Variants in DSCAML1 observed in about 807,000 individuals in gnomAD.
The protein encoded by DSCAML1 is cell adhesion molecule DSCAML1.
A neutral mutation model predicts 200.5 loss-of-function variants in DSCAML1; 38 were observed. That is an observed-to-expected ratio of 0.19 (90% CI 0.15 to 0.25). The LOEUF (loss-of-function observed/expected upper bound fraction) is 0.25. Ranked by LOEUF, DSCAML1 falls within the 10% of genes least tolerant of loss-of-function variation. The pLI, the probability that DSCAML1 is intolerant of heterozygous loss-of-function variation, is 1.00. For synonymous variants in DSCAML1, 1,215 were observed against 1,165.0 expected, an observed-to-expected ratio of 1.04 and a Z score of -0.87; for missense variants, 2,223 against 2,858.8, an observed-to-expected ratio of 0.78 and a Z score of 5.07.
rs1489594628 is a variant in DSCAML1 at position 117,518,438 on chromosome 11, A to G, written c.1510+28T>C. 1 of 1,613,598 alleles carries G rather than the reference A, an allele frequency of 6.2e-7. No individual in the cohort carries two copies. The highest frequency in any genetic ancestry group is 1.3e-5 in the African/African-American group (1 of 74,942). On this transcript the variant is annotated intron_variant, in intron 7 of 32. Transcript: ENST00000651296. The surrounding 1 kb of genome is among the most constrained non-coding windows in gnomAD (Gnocchi z 6.3). ...AGATGGCAAAGGAACTCAAAAACCTATTCTGATATTTAAATGTAGACAGGC... is the reference window on the plus strand; with the variant it reads ...AGATGGCAAAGGAACTCAAAAACCTGTTCTGATATTTAAATGTAGACAGGC...
chr11:117,649,766 C>A (rs1273531873), intron 3 of DSCAML1, among the ~76,000 whole-genome samples: 1 of 152,246 alleles, frequency 6.6e-6, no homozygotes. Flanking sequence ...CTGTTCTCAA[C>A]CTACCTTTCT....
intron 3 of DSCAML1, among the ~76,000 whole-genome samples, chr11:117,563,327 C>T (rs757822170): frequency 5.3e-5 from 8 of 152,168 alleles, no homozygotes; most frequent in South Asian, 2.1e-4. Context: ...CACGGCAGCA[C>T]GCATGGTGCT....
chr11:117,606,178 C>T (rs2051562782), intron 3 of DSCAML1, among the ~76,000 whole-genome samples: 1 of 152,076 alleles, frequency 6.6e-6, no homozygotes, highest in Non-Finnish European at 1.5e-5. Context: ...TTGAGGGCTC[C>T]CACTCTTACA....
chr11:117,487,727 C>T (rs1029120483), intron 11 of DSCAML1, among the ~76,000 whole-genome samples: 5 of 152,054 alleles, frequency 3.3e-5, no homozygotes, highest in Admixed American at 1.3e-4. Flanking sequence ...TAAGATGGGC[C>T]GATTTCAAAG....
At chr11:117,639,899 C>G (rs2052370394) in intron 3 of DSCAML1, among the ~76,000 whole-genome samples, 1 of 151,988 alleles carries the variant, frequency 6.6e-6, no homozygotes, top group African/African-American at 2.4e-5. Flanking sequence ...CAATGCCTGG[C>G]CTTTATGTTT....
At chr11:117,596,867 C>T (rs4938416) in intron 3 of DSCAML1, among the ~76,000 whole-genome samples, 6,104 of 152,178 alleles carry the variant, frequency 0.04, 219 homozygotes, top group African/African-American at 0.094. Context: ...ATATAAAGGT[C>T]TCATAGGAAA....
chr11:117,782,223 T>C (rs1205566672), intron 1 of DSCAML1, among the ~76,000 whole-genome samples: 1 of 152,214 alleles, frequency 6.6e-6, no homozygotes, highest in Non-Finnish European at 1.5e-5. Context: ...ACCGAGCCTC[T>C]GGGGAGAATA....
At chr11:117,815,380 A>G (rs2055796099) in intron 1 of DSCAML1, among the ~76,000 whole-genome samples, 1 of 152,176 alleles carries the variant, frequency 6.6e-6, no homozygotes, top group Non-Finnish European at 1.5e-5. Context: ...CCAAGGGCAG[A>G]GCTGGCAGTG....
intron 1 of DSCAML1, among the ~76,000 whole-genome samples, chr11:117,794,036 C>A (rs920246100): frequency 2.0e-5 from 3 of 151,274 alleles, no homozygotes; most frequent in African/African-American, 2.4e-5. Context: ...CCCATTGCCC[C>A]CCCCCCCTTT....
At chr11:117,455,514 A>T (rs1444069566) in intron 19 of DSCAML1, among the ~76,000 whole-genome samples, 8 of 152,238 alleles carry the variant, frequency 5.3e-5, no homozygotes, top group Non-Finnish European at 1.2e-4. Context: ...TTGAGGAGTT[A>T]GCACTGGAAC....
Position 117,504,014 on chromosome 11 carries a change from C to T in DSCAML1, c.2190G>A (p.Gly730=), listed in dbSNP as rs756761175. The T allele has an allele frequency of 3.1e-6, 5 of 1,613,672 alleles. No homozygotes were observed. The African/African-American group carries it at 4.0e-5, about 13-fold the overall frequency. ...KVMWKHAKGS[G]NPQQYHPVPL... The stretch of plus-strand genomic sequence containing the variant: ...GCACAGGGTGGTACTGCTGGGGGTT[C>T]CCGCTCCCTGGAAGGAGGCAGCTGT... The change falls in exon 11 of 33, where the codon GGG becomes GGA. Residue 730 remains glycine (G), a synonymous_variant. Transcript: ENST00000651296. This position sits in a 1 kb window ranked among gnomAD's most constrained non-coding sequence, Gnocchi z 5.0.
chr11:117,542,268 C>T (rs919809989), intron 3 of DSCAML1, among the ~76,000 whole-genome samples: 2 of 152,000 alleles, frequency 1.3e-5, no homozygotes, highest in African/African-American at 4.8e-5. Flanking sequence ...TGCATTTCAG[C>T]TGGGAGACAG....
chr11:117,743,003 T>TCATCCATCCACC (rs2054449479), intron 3 of DSCAML1, among the ~76,000 whole-genome samples: 1 of 150,892 alleles, frequency 6.6e-6, no homozygotes, highest in South Asian at 2.1e-4. Context: ...CACTCCACTT[T>TCATCCATCCACC]CATCCATCCA....
intron 12 of DSCAML1, among the ~76,000 whole-genome samples, chr11:117,481,669 G>T (rs2048924451): frequency 1.3e-5 from 2 of 151,570 alleles, no homozygotes; most frequent in African/African-American, 4.9e-5. Flanking sequence ...GAGAGGGAGG[G>T]GCTGAGGGGT....
intron 3 of DSCAML1, among the ~76,000 whole-genome samples, chr11:117,707,886 A>G (rs2053782673): frequency 6.6e-6 from 1 of 152,190 alleles, no homozygotes; most frequent in Admixed American, 6.5e-5. Context: ...AAGCCTTCTG[A>G]AGCAATCTCA....
intron 3 of DSCAML1, among the ~76,000 whole-genome samples, chr11:117,717,022 G>C (rs966084467): frequency 2.0e-5 from 3 of 151,864 alleles, no homozygotes; most frequent in Non-Finnish European, 2.9e-5. Context: ...CCAGCACCAG[G>C]CTGTGTCATC....
intron 18 of DSCAML1, among the ~76,000 whole-genome samples, chr11:117,460,145 G>A (rs1346699426): frequency 6.6e-6 from 1 of 152,240 alleles, no homozygotes. Context: ...AAGAGGAAGC[G>A]AGTTCTGGAA....
rs747142865 is a variant in DSCAML1, at chr11:117,438,981, G to T, written c.4147C>A (p.Pro1383Thr). ...TIIVNLLVQVPPDQPRLTVSK... is the reference protein window; with the variant it reads ...TIIVNLLVQVTPDQPRLTVSK... ...ACAGTGAGGCGGGGCTGGTCCGGGG[G>T]AACTGTGAGGGGAAAGCCACCACCC... The change falls in exon 24 of 33, where the codon CCC (proline) becomes ACC (threonine). Residue 1383 changes from proline (P) to threonine (T), a missense_variant and splice_region_variant. Physicochemically the swap from Pro to Thr is conservative, Grantham distance 38 (BLOSUM62 -1). Around this residue, in one of 7 missense-constraint regions of DSCAML1, gnomAD observed 614 missense variants for 739.1 expected, o/e 0.83. Coordinates refer to ENST00000651296, the MANE Select transcript of DSCAML1 (RefSeq NM_020693.4). 8.7e-6 allele frequency: 14 copies of T among 1,601,564 alleles called. No homozygotes were observed. Among genetic ancestry groups the T allele is most frequent in the Non-Finnish European group, 1.2e-5 (14 of 1,175,518 alleles).
At chr11:117,666,301 C>T (rs1429197634) in intron 3 of DSCAML1, among the ~76,000 whole-genome samples, 1 of 152,140 alleles carries the variant, frequency 6.6e-6, no homozygotes, top group Non-Finnish European at 1.5e-5. Context: ...CAAACAAGAT[C>T]ACACATGCAA....
Sources: allele counts gnomAD v4.1 joint callset (sites outside exome capture counted in the v4.1 genomes callset), GRCh38; gene constraint gnomAD v4.1.1; regional missense constraint gnomAD v4.1.1; non-coding constraint Gnocchi (gnomAD v3.1); transcripts MANE v1.5; gene names NCBI Gene and HGNC (gene_info 2026-07-23, HGNC 2026-07-21).